The following MCM3AP variants were observed in gnomAD, a reference collection of about 807,000 sequenced individuals.
MCM3AP encodes the protein minichromosome maintenance complex component 3 associated protein.
A neutral mutation model predicts 184.1 loss-of-function variants in MCM3AP; 126 were observed. The observed-to-expected ratio is 0.68, with a 90% CI of 0.59 to 0.79. The LOEUF (loss-of-function observed/expected upper bound fraction) is 0.79, where lower values mean the gene tolerates loss of function less well. MCM3AP is among the 30% of genes least tolerant of loss of function. The pLI is 0.00. For missense variants in MCM3AP, 2,496 were observed against 2,479.2 expected (o/e 1.01, Z -0.14); for synonymous variants, 1,002 against 979.3 (o/e 1.02, Z -0.43).
At chr21:46,270,939 T>G (rs1007865580) in intron 8 of MCM3AP, among the ~76,000 whole-genome samples, 1 of 152,198 alleles carries the variant, frequency 6.6e-6, no homozygotes, top group Non-Finnish European at 1.5e-5. Flanking sequence ...CAATAATGAA[T>G]AGAATAAACA....
chr21:46,272,853 T>TCA, intron 7 of MCM3AP, 24 bp from the exon 8 acceptor site: 9 of 1,544,078 alleles, frequency 5.8e-6, no homozygotes, highest in South Asian at 3.8e-5. Flanking sequence ...AGGGGGAGGA[T>TCA]CACACACACA....
chr21:46,243,518 C>T lies in MCM3AP; in HGVS notation c.5243G>A (p.Cys1748Tyr). 1.9e-6 allele frequency: 3 copies of T among 1,614,160 alleles called. No homozygotes were observed. Among genetic ancestry groups the T allele is most frequent in the African/African-American group, 1.3e-5 (1 of 75,070 alleles). ...EIPWDDLIAL[C>Y]INHKLRDWTP... The stretch of plus-strand genomic sequence containing the variant: ...CCAGTCTCTCAGCTTGTGGTTGATA[C>T]ACAAGGCGATAAGATCATCCCATGG... Residue 1748 changes from cysteine to tyrosine, a missense_variant, in exon 24 of 28, where the codon TGT (cysteine) becomes TAT (tyrosine). By Grantham distance (194) the Cys-to-Tyr change is radical. Around this residue, in one of 5 missense-constraint regions of MCM3AP, gnomAD observed 1,323 missense variants for 1,273.4 expected, o/e 1.04. Transcript: ENST00000291688.
intron 5 of MCM3AP, among the ~76,000 whole-genome samples, chr21:46,276,206 T>C (rs1237033493): frequency 6.6e-6 from 1 of 151,610 alleles, no homozygotes; most frequent in Non-Finnish European, 1.5e-5. Flanking sequence ...GAGCTGACGT[T>C]GCGCTCACTC....
At chr21:46,280,749 C>T (rs2081321519) in intron 2 of MCM3AP, among the ~76,000 whole-genome samples, 174 bp from the exon 3 acceptor site, 1 of 152,176 alleles carries the variant, frequency 6.6e-6, no homozygotes, top group Admixed American at 6.5e-5. Flanking sequence ...TGGTCTCTGG[C>T]TGCGGCAGCA....
chr21:46,275,408 G>T, intron 5 of MCM3AP, 83 bp from the exon 6 acceptor site: 1 of 1,215,530 alleles, frequency 8.2e-7, no homozygotes, highest in Non-Finnish European at 1.1e-6. Context: ...ATGATAAAAA[G>T]AAATTAAAAC....
chr21:46,247,089 C>G, intron 20 of MCM3AP: 1 of 555,792 alleles, frequency 1.8e-6, no homozygotes, highest in Non-Finnish European at 3.2e-6. Context: ...CCCTCTTTCC[C>G]TAAATCCAAT....
chr21:46,241,315 T>C, intron 25 of MCM3AP: 1 of 299,904 alleles, frequency 3.3e-6, no homozygotes, highest in South Asian at 5.8e-5. Flanking sequence ...AGCTAGGTTT[T>C]TGGAGCTTCT....
At chr21:46,246,177 TG>T in intron 22 of MCM3AP, 129 bp downstream of exon 22, 1 of 641,420 alleles carries the variant, frequency 1.6e-6, no homozygotes, top group Non-Finnish European at 2.8e-6. Context: ...GCCACTATAC[TG>T]GGTGACAATA....
rs771995876 is a variant in MCM3AP, at chr21:46,267,079, T to C, written c.2692A>G (p.Ile898Val). ...CGCACCACACCATCCAGGGGAAAGA[T>C]GGTAGATCGCTGTGTGCTCACCGTG... The part of the protein sequence containing the change: ...AYTVSTQRST[I>V]FPLDGVVRML... Residue 898 changes from isoleucine to valine, a missense_variant, in exon 10 of 28, where the codon ATC becomes GTC. Coordinates refer to ENST00000291688, the MANE Select transcript of MCM3AP (RefSeq NM_003906.5). 2.5e-6 allele frequency: 4 copies of C among 1,614,130 alleles called. No homozygotes were observed. The highest frequency in any genetic ancestry group is 1.7e-5 in the Admixed American group (1 of 60,020).
intron 20 of MCM3AP, among the ~76,000 whole-genome samples, chr21:46,248,599 AC>A (rs2080814337): frequency 6.7e-6 from 1 of 148,982 alleles, no homozygotes; most frequent in Admixed American, 6.9e-5. Flanking sequence ...AAAGAGATAA[AC>A]TGGAGTAACA....
At chr21:46,258,313 G>A (rs2839177) in intron 16 of MCM3AP, among the ~76,000 whole-genome samples, 130,606 of 152,234 alleles carry the variant, frequency 0.86, 56,663 homozygotes, top group African/African-American at 0.93. Flanking sequence ...TACAACATAC[G>A]TAACACATAT....
upstream of MCM3AP, chr21:46,286,167 C>G (rs2081422673): frequency 6.6e-6 from 1 of 152,420 alleles, no homozygotes; most frequent in East Asian, 1.9e-4. Context: ...GCCCCAGGAC[C>G]CCGAGGCCCG....
chr21:46,260,887 G>GCT lies in MCM3AP; in HGVS notation c.3485_3486dup (p.Leu1163SerfsTer4). On this transcript the variant is annotated frameshift_variant, in exon 15 of 28. Coordinates refer to ENST00000291688, the MANE Select transcript of MCM3AP (RefSeq NM_003906.5). LOFTEE classifies it high-confidence loss of function. ...CCCTGGCTCAGCTCACTTAACACCA[G>GCT]CTCTCTCTCTTGTTTCAACCTACAG... The GCT allele has an allele frequency of 1.2e-6, 2 of 1,612,968 alleles. No individual in the cohort carries two copies. The highest frequency in any genetic ancestry group is 1.3e-5 in the African/African-American group (1 of 74,998).
At chr21:46,272,234 C>T (rs1027382834) in intron 8 of MCM3AP, among the ~76,000 whole-genome samples, 3 of 152,186 alleles carry the variant, frequency 2.0e-5, no homozygotes, top group Admixed American at 1.3e-4. Flanking sequence ...TTGCAGGGCA[C>T]CTGGAACTCC....
At chr21:46,269,000 T>G (rs2145686601) in intron 9 of MCM3AP, among the ~76,000 whole-genome samples, 1 of 152,278 alleles carries the variant, frequency 6.6e-6, no homozygotes, top group Non-Finnish European at 1.5e-5. Context: ...ATCATGCCAC[T>G]GCACTCCAGC....
chr21:46,283,452 G>A (rs2081358081), intron 2 of MCM3AP, among the ~76,000 whole-genome samples, 163 bp downstream of exon 2: 1 of 151,520 alleles, frequency 6.6e-6, no homozygotes, highest in South Asian at 2.1e-4. Context: ...AATATGCCAA[G>A]TTATGAAATA....
At chr21:46,282,151 T>C (rs1569083122) in intron 2 of MCM3AP, among the ~76,000 whole-genome samples, 1 of 151,974 alleles carries the variant, frequency 6.6e-6, no homozygotes. Flanking sequence ...AATGTAAAAA[T>C]ACAAACTTTT....
At chr21:46,265,225 C>T (rs1268805806) in intron 12 of MCM3AP, 96 bp downstream of exon 12, 2 of 1,162,206 alleles carry the variant, frequency 1.7e-6, no homozygotes, top group African/African-American at 3.1e-5. Context: ...TCCTGAGAGA[C>T]CAGGCGCCAC....
intron 27 of MCM3AP, among the ~76,000 whole-genome samples, chr21:46,235,955 C>T (rs142169938): frequency 1.3e-4 from 20 of 152,320 alleles, no homozygotes; most frequent in Admixed American, 9.1e-4. Flanking sequence ...AAAATATCAT[C>T]GTCAAGGGCT....
Sources: allele counts gnomAD v4.1 joint callset (sites outside exome capture counted in the v4.1 genomes callset), GRCh38; gene constraint gnomAD v4.1.1; regional missense constraint gnomAD v4.1.1; transcripts MANE v1.5; gene names NCBI Gene and HGNC (gene_info 2026-07-23, HGNC 2026-07-21).